Variants in BDP1 observed in about 807,000 individuals in gnomAD.
BDP1 encodes BDP1 general transcription factor IIIB subunit.
BDP1 carries 169 observed loss-of-function variants against 266.6 expected under a neutral mutation model. That is an observed-to-expected ratio of 0.63 (90% CI 0.56 to 0.72). The LOEUF (loss-of-function observed/expected upper bound fraction) is 0.72, where lower values mean the gene tolerates loss of function less well. Ranked by LOEUF, BDP1 falls within the 30% of genes least tolerant of loss-of-function variation. The pLI is 0.00. For missense variants in BDP1, 3,015 were observed against 3,053.8 expected (o/e 0.99, Z 0.30); for synonymous variants, 1,090 against 1,022.4 (o/e 1.07, Z -1.26).
intron 35 of BDP1, among the ~76,000 whole-genome samples, chr5:71,554,959 A>C (rs537515037): frequency 6.6e-6 from 1 of 152,266 alleles, no homozygotes; most frequent in South Asian, 2.1e-4. Flanking sequence ...ATTTCCTTTG[A>C]GTGTCATGTC....
rs369517895 is a variant in BDP1 at position 71,559,140 on chromosome 5, C to T, written c.7241-842C>T. On this transcript the variant is annotated intron_variant, in intron 36 of 38. Coordinates refer to ENST00000358731, the MANE Select transcript of BDP1 (RefSeq NM_018429.3). ...CTGCACTCCAGCCTGGACGACAGAG[C>T]GAGACTCTGTCTCAAAAAAACAAAA... 3.9e-5 allele frequency among the ~76,000 whole-genome samples: 6 copies of T among 152,188 alleles called. No individual in the cohort carries two copies. The East Asian group carries it at 5.8e-4, about 15-fold the overall frequency.
intron 17 of BDP1, among the ~76,000 whole-genome samples, chr5:71,511,566 G>C (rs1580111651): frequency 6.6e-6 from 1 of 152,192 alleles, no homozygotes; most frequent in Non-Finnish European, 1.5e-5. Flanking sequence ...AGGATCACTT[G>C]AACCCTGGAG....
intron 34 of BDP1, 64 bp from the exon 35 acceptor site, chr5:71,553,052 T>TAA: frequency 1.1e-5 from 12 of 1,134,492 alleles, no homozygotes; most frequent in African/African-American, 1.6e-5. Context: ...TAGGATCCTT[T>TAA]AAAAAAAAAA....
At chr5:71,467,802 G>A (rs1478827181) in intron 6 of BDP1, among the ~76,000 whole-genome samples, 1 of 151,990 alleles carries the variant, frequency 6.6e-6, no homozygotes, top group Non-Finnish European at 1.5e-5. Flanking sequence ...ACCAACTTGG[G>A]CAACAAAGCA....
At position 71,553,868 on chromosome 5, in the gene BDP1, G is replaced by A. The variant is rs78327098; in HGVS notation, c.7200+548G>A. 2.6e-5 allele frequency among the ~76,000 whole-genome samples: 4 copies of A among 152,198 alleles called. No homozygotes were observed. The East Asian group carries it at 5.8e-4, about 22-fold the overall frequency. The stretch of plus-strand genomic sequence containing the variant: ...ATCTTTCAATTCCTTAAATGTCCCA[G>A]GACACTTCATTTGATGTACCTTCTG... On this transcript the variant is annotated intron_variant, in intron 35 of 38. Transcript: ENST00000358731.
At chr5:71,535,345 C>T (rs1313039995) in intron 26 of BDP1, among the ~76,000 whole-genome samples, 2 of 152,078 alleles carry the variant, frequency 1.3e-5, no homozygotes, top group African/African-American at 2.4e-5. Flanking sequence ...GCTGGGATTA[C>T]AAGCGCCCGC....
chr5:71,482,349 G>A (rs1561691087), intron 7 of BDP1, among the ~76,000 whole-genome samples: 1 of 152,170 alleles, frequency 6.6e-6, no homozygotes, highest in African/African-American at 2.4e-5. Context: ...GTAAACATGG[G>A]CACATCTTGT....
chr5:71,474,431 C>T (rs1221725868), intron 7 of BDP1, among the ~76,000 whole-genome samples: 1 of 151,940 alleles, frequency 6.6e-6, no homozygotes, highest in Non-Finnish European at 1.5e-5. Flanking sequence ...CAAGCAATCC[C>T]CTGCCTTAGC....
intron 7 of BDP1, among the ~76,000 whole-genome samples, chr5:71,482,354 TC>T (rs2150393442): frequency 6.6e-6 from 1 of 152,348 alleles, no homozygotes; most frequent in African/African-American, 2.4e-5. Context: ...CATGGGCACA[TC>T]TTGTCTGTTT....
rs762087878 is a variant in BDP1 at position 71,541,457 on chromosome 5, G to T, written c.6026G>T (p.Gly2009Val). ...TGTTTTTTTTTTTTTTCTTCAGTAGGAGTATGTATAATTCCTCATGTTCAT... is the reference window on the plus strand; with the variant it reads ...TGTTTTTTTTTTTTTTCTTCAGTAGTAGTATGTATAATTCCTCATGTTCAT... The part of the protein sequence containing the change: ...SEISSEQGDV[G>V]VCIIPHVHSK... Residue 2009 changes from glycine (G) to valine (V), a missense_variant, in exon 29 of 39, where the codon GGA (glycine) becomes GTA (valine). Physicochemically the swap from Gly to Val is moderately radical, Grantham distance 109 (BLOSUM62 -3). This residue lies in a region of BDP1 where 2,383 missense variants were observed against 2,404.9 expected (regional missense o/e 0.99). Coordinates refer to ENST00000358731, the MANE Select transcript of BDP1 (RefSeq NM_018429.3). 2 of 1,238,080 alleles carry T rather than the reference G, an allele frequency of 1.6e-6. No individual in the cohort carries two copies. Among genetic ancestry groups the T allele is most frequent in the Non-Finnish European group, 2.2e-6 (2 of 894,826 alleles). 76.7% of individuals were successfully genotyped at this position (1,238,080 alleles called of 1,614,324 possible).
intron 7 of BDP1, among the ~76,000 whole-genome samples, chr5:71,471,441 G>T (rs1399167235): frequency 6.6e-6 from 1 of 152,164 alleles, no homozygotes; most frequent in Non-Finnish European, 1.5e-5. Context: ...ATCATGCCCG[G>T]TTGAGGGTAG....
In BDP1 at chr5:71,509,774, C is replaced by A. The variant is rs909948108; in HGVS notation, c.2682C>A (p.Asp894Glu). The A allele has an allele frequency of 6.2e-7, 1 of 1,614,144 alleles. No homozygotes were observed. The highest frequency in any genetic ancestry group is 1.1e-5 in the South Asian group (1 of 91,076). Residue 894 changes from aspartate (D) to glutamate (E), a missense_variant, in exon 17 of 39, where the codon GAC becomes GAA. Transcript: ENST00000358731. Reference sequence around the variant, plus strand: ...AGAAGATTCTAGATGTGATTGATGACACCATAGAAATGGAGACAGGTCTGA... The same window carrying A: ...AGAAGATTCTAGATGTGATTGATGAAACCATAGAAATGGAGACAGGTCTGA... ...PREKILDVIDDTIEMETGLKA... is the reference protein window; with the variant it reads ...PREKILDVIDETIEMETGLKA...
At chr5:71,546,351 G>T (rs1191399312) in intron 32 of BDP1, among the ~76,000 whole-genome samples, 1 of 152,016 alleles carries the variant, frequency 6.6e-6, no homozygotes, top group African/African-American at 2.4e-5. Context: ...GGGTGGGGTA[G>T]CTCACGCCTG....
At chr5:71,575,381 A>G in the BDP1 span, among the ~76,000 whole-genome samples, 2 of 152,238 alleles carry the variant, frequency 1.3e-5, no homozygotes, top group African/African-American at 2.4e-5. Context: ...GGGTGGATCA[A>G]TGGCCGCTAT....
In BDP1 at chr5:71,497,332, C is replaced by A. The variant is rs1244391026; in HGVS notation, c.1862C>A (p.Pro621His). 2 of 1,613,692 alleles carry A rather than the reference C, an allele frequency of 1.2e-6. No individual in the cohort carries two copies. The highest frequency in any genetic ancestry group is 1.7e-6 in the Non-Finnish European group (2 of 1,179,852). Residue 621 changes from proline (P) to histidine (H), a missense_variant, in exon 13 of 39, where the codon CCC becomes CAC. Around this residue, in one of 3 missense-constraint regions of BDP1, gnomAD observed 2,383 missense variants for 2,404.9 expected, o/e 0.99. Transcript: ENST00000358731. ...MLRGRFQRPKPNLSRAGKKSV... is the reference protein window; with the variant it reads ...MLRGRFQRPKHNLSRAGKKSV... ...AGAGGTCGCTTCCAAAGACCTAAACCCAATTTGTCAAGGGCTGGGAAGAAA... is the reference window on the plus strand; with the variant it reads ...AGAGGTCGCTTCCAAAGACCTAAACACAATTTGTCAAGGGCTGGGAAGAAA...
intron 22 of BDP1, among the ~76,000 whole-genome samples, chr5:71,518,475 G>T (rs912651006): frequency 1.2e-4 from 19 of 152,080 alleles, no homozygotes; most frequent in Non-Finnish European, 2.5e-4. Context: ...TTGAGACAAG[G>T]TGTCTCACTG....
intron 23 of BDP1, 29 bp downstream of exon 23, chr5:71,522,519 T>C: frequency 1.2e-6 from 1 of 844,082 alleles, no homozygotes; most frequent in Non-Finnish European, 1.8e-6. Flanking sequence ...AAAAAAAAAA[T>C]TTTTTTTCTC....
chr5:71,467,331 A>T, intron 5 of BDP1, 23 bp from the exon 6 acceptor site: 1 of 1,557,962 alleles, frequency 6.4e-7, no homozygotes, highest in South Asian at 1.2e-5. Flanking sequence ...GTATACATCT[A>T]TTTAAAAATG....
downstream of BDP1, among the ~76,000 whole-genome samples, chr5:71,571,808 G>A (rs1383039116): frequency 6.6e-6 from 1 of 152,016 alleles, no homozygotes; most frequent in Admixed American, 6.6e-5. Context: ...TTTTAGTAGA[G>A]GTGGGGTTTC....
Sources: allele counts gnomAD v4.1 joint callset (sites outside exome capture counted in the v4.1 genomes callset), GRCh38; gene constraint gnomAD v4.1.1; regional missense constraint gnomAD v4.1.1; transcripts MANE v1.5; gene names NCBI Gene and HGNC (gene_info 2026-07-23, HGNC 2026-07-21).